The following ANK2 variants were observed in gnomAD, a reference collection of about 807,000 sequenced individuals.
ANK2 encodes the protein ankyrin-2.
Under a neutral mutation model 360.5 loss-of-function variants are expected in ANK2, and 83 were observed. The observed-to-expected ratio is 0.23, with a 90% CI of 0.19 to 0.28. ANK2 has a LOEUF of 0.28. ANK2 is among the 10% of genes least tolerant of loss of function. The probability of loss-of-function intolerance (pLI) is 1.00; values close to 1 mark genes in which losing one functional copy is unlikely to be tolerated. For synonymous variants in ANK2, 1,740 were observed against 1,759.5 expected (o/e 0.99, Z 0.28); for missense variants, 4,201 against 4,795.7 (o/e 0.88, Z 3.66).
chr4:112,956,056 A>C (rs1228553697), intron 2 of ANK2, among the ~76,000 whole-genome samples: 1 of 152,200 alleles, frequency 6.6e-6, no homozygotes, highest in Non-Finnish European at 1.5e-5. Context: ...ATTCTTGGGA[A>C]TATATTTCAA....
chr4:113,353,015 T>G (rs1447168908), intron 37 of ANK2, 30 bp from the exon 38 acceptor site: 1 of 1,608,134 alleles, frequency 6.2e-7, no homozygotes, highest in South Asian at 1.1e-5. Context: ...ATTTCCATTT[T>G]ACTTTCAATG....
intron 2 of ANK2, among the ~76,000 whole-genome samples, chr4:113,017,224 TC>T (rs1396133754): frequency 6.6e-6 from 1 of 152,176 alleles, no homozygotes; most frequent in Non-Finnish European, 1.5e-5. Flanking sequence ...TATTTTATAT[TC>T]CTTGAGTCCA....
In ANK2 at chr4:113,354,602, A is replaced by G. The variant is rs1316032951; in HGVS notation, c.5984A>G (p.Lys1995Arg). ...EETMSVRELM[K>R]AFQSGQDPSK... ...ACCATGTCTGTTCGGGAGCTGATGA[A>G]GGCTTTCCAGTCAGGTCAGGACCCT... is the stretch of plus-strand genomic sequence containing the variant. Residue 1995 changes from lysine to arginine, a missense_variant, in exon 38 of 46, where the codon AAG becomes AGG. Physicochemically the swap from Lys to Arg is conservative, Grantham distance 26 (BLOSUM62 2). This residue lies in a region of ANK2 where 2,642 missense variants were observed against 2,714.5 expected (regional missense o/e 0.97). Coordinates refer to ENST00000357077, the MANE Select transcript of ANK2 (RefSeq NM_001148.6). 2 of 1,613,998 alleles carry G rather than the reference A, an allele frequency of 1.2e-6. No individual in the cohort carries two copies. The highest frequency in any genetic ancestry group is 3.3e-5 in the Admixed American group (2 of 59,968).
chr4:113,180,065 C>A (rs896189459), intron 2 of ANK2, among the ~76,000 whole-genome samples: 17 of 152,346 alleles, frequency 1.1e-4, no homozygotes, highest in African/African-American at 4.1e-4. Context: ...AAACAGAAGG[C>A]AAGGTCGAAG....
intron 7 of ANK2, 91 bp downstream of exon 7, chr4:113,237,713 AT>A: frequency 8.4e-7 from 1 of 1,186,120 alleles, no homozygotes; most frequent in Non-Finnish European, 1.3e-6. Flanking sequence ...CATACTAATG[AT>A]TAGAAGTTTG....
the ANK2 span, among the ~76,000 whole-genome samples, chr4:112,810,125 GTATATATATATA>G: frequency 4.9e-3 from 336 of 67,896 alleles, 3 homozygotes; most frequent in African/African-American, 9.1e-3. Context: ...AATTTTTTGT[GTATATATATATA>G]TATATATATA....
chr4:112,935,595 A>G (rs771003304), intron 2 of ANK2, among the ~76,000 whole-genome samples: 4 of 152,156 alleles, frequency 2.6e-5, no homozygotes, highest in Non-Finnish European at 5.9e-5. Flanking sequence ...TAGGCCTAAC[A>G]CTTTGGGAGG....
At chr4:112,796,465 TACAC>T in the ANK2 span, among the ~76,000 whole-genome samples, 1 of 150,286 alleles carries the variant, frequency 6.7e-6, no homozygotes, top group South Asian at 2.1e-4. Context: ...TCTATATATA[TACAC>T]ACACACACAC....
intron 2 of ANK2, among the ~76,000 whole-genome samples, chr4:112,988,988 G>T (rs576275025): frequency 4.6e-5 from 7 of 152,302 alleles, no homozygotes; most frequent in African/African-American, 1.7e-4. Context: ...TGTTTTCTCT[G>T]TGTAGACAAA....
chr4:112,794,398 TAGA>T, the ANK2 span, among the ~76,000 whole-genome samples: 1 of 152,200 alleles, frequency 6.6e-6, no homozygotes, highest in Non-Finnish European at 1.5e-5. Flanking sequence ...AAGTGATTGA[TAGA>T]AGCAGAGTAT....
At chr4:113,171,248 C>T (rs1365707196) in intron 1 of ANK2, among the ~76,000 whole-genome samples, 5 of 152,162 alleles carry the variant, frequency 3.3e-5, no homozygotes, top group Non-Finnish European at 7.3e-5. Flanking sequence ...AATCCTCTTT[C>T]ATCTCTGTGT....
the ANK2 span, among the ~76,000 whole-genome samples, chr4:112,782,196 A>G: frequency 6.6e-6 from 1 of 152,064 alleles, no homozygotes; most frequent in African/African-American, 2.4e-5. Flanking sequence ...AAAATCTAGG[A>G]TTTTTTTCAA....
the ANK2 span, among the ~76,000 whole-genome samples, chr4:112,751,089 A>G: frequency 1.3e-5 from 2 of 152,156 alleles, no homozygotes; most frequent in Admixed American, 6.6e-5. Flanking sequence ...TCTGGTAGCT[A>G]TTTAATGCAT....
intron 32 of ANK2, 142 bp from the exon 33 acceptor site, chr4:113,341,546 C>T (rs1443780710): frequency 2.6e-6 from 2 of 778,540 alleles, no homozygotes; most frequent in East Asian, 2.7e-5. Context: ...TTTCCTTTGG[C>T]CTTCTCTCAT....
intron 4 of ANK2, among the ~76,000 whole-genome samples, chr4:113,214,776 T>C (rs1170729383): frequency 6.6e-6 from 1 of 152,162 alleles, no homozygotes; most frequent in Non-Finnish European, 1.5e-5. Context: ...TTCAACTATA[T>C]TTTTTATTCT....
At chr4:112,945,139 G>C (rs548404174) in intron 2 of ANK2, among the ~76,000 whole-genome samples, 1 of 152,288 alleles carries the variant, frequency 6.6e-6, no homozygotes, top group African/African-American at 2.4e-5. Context: ...CTCATTTGAG[G>C]CAGAGCTTCC....
chr4:113,037,639 A>C (rs934356811), intron 2 of ANK2, among the ~76,000 whole-genome samples: 1 of 151,936 alleles, frequency 6.6e-6, no homozygotes. Flanking sequence ...TGTTTTTCCT[A>C]CTTGAATTTG....
chr4:112,823,061 G>A (rs1056967370), intron 1 of ANK2, among the ~76,000 whole-genome samples: 19 of 152,262 alleles, frequency 1.2e-4, no homozygotes, highest in Non-Finnish European at 2.5e-4. Flanking sequence ...TTAAAATAAC[G>A]CACATGTGAA....
chr4:113,356,652 C>T lies in ANK2; in HGVS notation c.8034C>T (p.Asp2678=), dbSNP rs2095799103. ...TGGCACAGCTTAAAAAAGGTGCTGA[C>T]TCAGGCCTTTTACCAGAACCAGTGA... ...PELAQLKKGA[D]SGLLPEPVIR... The change falls in exon 38 of 46, where the codon GAC becomes GAT. Residue 2678 remains aspartate (D), a synonymous_variant. Coordinates refer to ENST00000357077, the MANE Select transcript of ANK2 (RefSeq NM_001148.6). 1 of 1,614,122 alleles carries T rather than the reference C, an allele frequency of 6.2e-7. No homozygotes were observed. Among genetic ancestry groups the T allele is most frequent in the East Asian group, 2.2e-5 (1 of 44,874 alleles).
Sources: gnomAD v4.1 joint callset for allele counts (sites outside exome capture counted in the v4.1 genomes callset) on GRCh38, gnomAD v4.1.1 for gene constraint, gnomAD v4.1.1 regional missense constraint, MANE v1.5 for transcripts, NCBI Gene and HGNC (gene_info 2026-07-23, HGNC 2026-07-21) for gene names.